PTPRK: variants seen among roughly 807,000 people sequenced by gnomAD.
PTPRK encodes the protein protein tyrosine phosphatase receptor type K.
Under a neutral mutation model 178.0 loss-of-function variants are expected in PTPRK, and 75 were observed. The ratio of observed to expected loss-of-function variants is 0.42; its 90% CI spans 0.35 to 0.51. PTPRK has a LOEUF of 0.51. Ranked by LOEUF, PTPRK falls within the 20% of genes least tolerant of loss-of-function variation. PTPRK has a pLI of 0.02. For synonymous variants in PTPRK, 637 were observed against 620.6 expected (o/e 1.03, Z -0.39); for missense variants, 1,441 against 1,797.8 (o/e 0.80, Z 3.59).
intron 1 of PTPRK, among the ~76,000 whole-genome samples, chr6:128,476,886 C>CT (rs988106497): frequency 7.1e-6 from 1 of 141,106 alleles, no homozygotes; most frequent in African/African-American, 2.6e-5. Flanking sequence ...AACTGCTTTT[C>CT]TAAAAAAAAA....
chr6:128,094,892 G>T (rs564284320), intron 7 of PTPRK, among the ~76,000 whole-genome samples: 1 of 152,158 alleles, frequency 6.6e-6, no homozygotes, highest in African/African-American at 2.4e-5. Context: ...GGGCAAAAGA[G>T]AAATGGAGAG....
At chr6:128,394,477 C>T (rs957985637) in intron 2 of PTPRK, among the ~76,000 whole-genome samples, 3 of 152,146 alleles carry the variant, frequency 2.0e-5, no homozygotes, top group Admixed American at 1.3e-4. Context: ...CTTACCAACA[C>T]TTGGAATTAA....
chr6:128,513,676 G>A (rs900659444), intron 1 of PTPRK, among the ~76,000 whole-genome samples: 6 of 152,132 alleles, frequency 3.9e-5, no homozygotes, highest in African/African-American at 1.4e-4. Flanking sequence ...GTGTTTCCCA[G>A]AATTAAATGT....
In PTPRK at chr6:128,325,086, C is replaced by T. The variant is rs560724616; in HGVS notation, c.224-2776G>A. 6.6e-5 allele frequency among the ~76,000 whole-genome samples: 10 copies of T among 152,322 alleles called. 1 individual carries two copies. In the East Asian group the frequency reaches 1.7e-3, roughly 26 times the overall value. On this transcript the variant is annotated intron_variant, in intron 2 of 29. Transcript: ENST00000368226. Reference sequence around the variant, plus strand: ...TTAATAAAACATCTATGTTCCCACACATACAATGTACTAGCTTTTAATTAA... The same window carrying T: ...TTAATAAAACATCTATGTTCCCACATATACAATGTACTAGCTTTTAATTAA...
intron 29 of PTPRK, among the ~76,000 whole-genome samples, chr6:127,972,804 AT>A (rs1431724699): frequency 2.0e-5 from 3 of 152,220 alleles, no homozygotes; most frequent in Admixed American, 2.0e-4. Context: ...CCCAAATTAA[AT>A]GAAAATAGTT....
At position 128,151,665 on chromosome 6, in the gene PTPRK, C is replaced by T. The variant is rs938037335; in HGVS notation, c.1162+32767G>A. Among the ~76,000 whole-genome samples the T allele has an allele frequency of 5.3e-5, 8 of 152,032 alleles. No homozygotes were observed. The South Asian group carries it at 8.3e-4, about 16-fold the overall frequency. Reference sequence around the variant, plus strand: ...ATTCTATAAATCTATGCTTCTTTTACGTTACACAAAGGCTTCCACTGTAGA... The same window carrying T: ...ATTCTATAAATCTATGCTTCTTTTATGTTACACAAAGGCTTCCACTGTAGA... On this transcript the variant is annotated intron_variant, in intron 7 of 29. Coordinates refer to ENST00000368226, the MANE Select transcript of PTPRK (RefSeq NM_002844.4).
intron 3 of PTPRK, among the ~76,000 whole-genome samples, chr6:128,269,958 A>G (rs1562170931): frequency 6.6e-6 from 1 of 152,070 alleles, no homozygotes; most frequent in Non-Finnish European, 1.5e-5. Context: ...TCAATTTAGC[A>G]TTTTCTGTGA....
chr6:128,297,517 C>G (rs948687586), intron 3 of PTPRK, among the ~76,000 whole-genome samples: 1 of 152,130 alleles, frequency 6.6e-6, no homozygotes, highest in Admixed American at 6.6e-5. Flanking sequence ...GAAATTATAA[C>G]AAACTGTCTC....
intron 1 of PTPRK, among the ~76,000 whole-genome samples, chr6:128,405,416 C>G (rs1353749595): frequency 6.6e-6 from 1 of 152,108 alleles, no homozygotes; most frequent in Non-Finnish European, 1.5e-5. Flanking sequence ...AGTATATTTA[C>G]CCAAGTTTCT....
At chr6:128,208,479 CT>C (rs1363952229) in intron 6 of PTPRK, among the ~76,000 whole-genome samples, 4 of 152,074 alleles carry the variant, frequency 2.6e-5, no homozygotes, top group African/African-American at 9.7e-5. Flanking sequence ...AAGATTTCCA[CT>C]TAACCGACAA....
At chr6:128,093,316 G>T (rs1787307491) in intron 7 of PTPRK, among the ~76,000 whole-genome samples, 1 of 151,966 alleles carries the variant, frequency 6.6e-6, no homozygotes, top group South Asian at 2.1e-4. Context: ...AAGTGATGCT[G>T]GGCATGGTGG....
intron 2 of PTPRK, among the ~76,000 whole-genome samples, chr6:128,340,385 T>C (rs1831506091): frequency 6.6e-6 from 1 of 152,178 alleles, no homozygotes; most frequent in Non-Finnish European, 1.5e-5. Flanking sequence ...GATTTCCTTA[T>C]GGAATCCCCC....
chr6:128,171,676 G>C (rs139665465), intron 7 of PTPRK, among the ~76,000 whole-genome samples: 2 of 151,912 alleles, frequency 1.3e-5, no homozygotes, highest in African/African-American at 2.4e-5. Context: ...AGTAGACATT[G>C]ATTTCTCTAT....
chr6:128,139,962 A>G lies in PTPRK; in HGVS notation c.1162+44470T>C, dbSNP rs187541666. The stretch of plus-strand genomic sequence containing the variant: ...AGACACCAGAAAGCAGGGTGCCAAC[A>G]AATGCTGGGAACACTCTTGGACTAC... On this transcript the variant is annotated intron_variant, in intron 7 of 29. Coordinates refer to ENST00000368226, the MANE Select transcript of PTPRK (RefSeq NM_002844.4). Among the ~76,000 whole-genome samples, 95 of 152,138 alleles carry G rather than the reference A, an allele frequency of 6.2e-4. 1 individual carries two copies. The highest frequency in any genetic ancestry group is 2.1e-3 in the African/African-American group (88 of 41,542).
At chr6:128,283,353 G>A (rs1348513162) in intron 3 of PTPRK, among the ~76,000 whole-genome samples, 1 of 152,188 alleles carries the variant, frequency 6.6e-6, no homozygotes, top group Non-Finnish European at 1.5e-5. Context: ...AGGAGCAAAA[G>A]TGATTTAGGA....
intron 3 of PTPRK, among the ~76,000 whole-genome samples, chr6:128,297,609 C>G (rs1330818973): frequency 6.6e-6 from 1 of 152,314 alleles, no homozygotes; most frequent in East Asian, 1.9e-4. Flanking sequence ...ACTGAACAAC[C>G]TGCTCCTGAA....
In PTPRK at chr6:128,402,826, C is replaced by T. The variant is rs1841202795; in HGVS notation, c.101-5138G>A. ...AAGGGCATATTTATGAGTCACTGGT[C>T]ATAATATATTGCTCTGGTTCATTAC... On this transcript the variant is annotated intron_variant, in intron 1 of 29. Coordinates refer to ENST00000368226, the MANE Select transcript of PTPRK (RefSeq NM_002844.4). Among the ~76,000 whole-genome samples, 5 of 152,088 alleles carry T rather than the reference C, an allele frequency of 3.3e-5. No homozygotes were observed. The South Asian group carries it at 1.0e-3, about 32-fold the overall frequency.
intron 7 of PTPRK, among the ~76,000 whole-genome samples, chr6:128,170,892 T>C (rs1800140968): frequency 6.7e-6 from 1 of 149,656 alleles, no homozygotes; most frequent in Middle Eastern, 3.4e-3. Context: ...ACATAAGCCC[T>C]AGTAAGAAAG....
chr6:128,055,249 C>G (rs1444522351), intron 13 of PTPRK, among the ~76,000 whole-genome samples: 9 of 152,098 alleles, frequency 5.9e-5, no homozygotes, highest in Non-Finnish European at 1.5e-5. Context: ...AAAGCACTTT[C>G]TAAAGGACTC....
Sources: gnomAD v4.1 joint callset for allele counts (sites outside exome capture counted in the v4.1 genomes callset) on GRCh38, gnomAD v4.1.1 for gene constraint, MANE v1.5 for transcripts, NCBI Gene and HGNC (gene_info 2026-07-23, HGNC 2026-07-21) for gene names.